NAP1L4: variants seen among roughly 807,000 people sequenced by gnomAD.
NAP1L4 encodes the protein nucleosome assembly protein 1 like 4.
A neutral mutation model predicts 58.2 loss-of-function variants in NAP1L4; 15 were observed. The observed-to-expected ratio is 0.26, with a 90% CI of 0.17 to 0.40. NAP1L4 has a LOEUF of 0.40. Among genes scored for constraint, NAP1L4 ranks in the 10% least tolerant of loss-of-function variants. The pLI is 1.00. For missense variants in NAP1L4, 384 were observed against 451.1 expected (o/e 0.85, Z 1.35); for synonymous variants, 171 against 155.6 (o/e 1.10, Z -0.74).
intron 10 of NAP1L4, among the ~76,000 whole-genome samples, chr11:2,956,133 T>C (rs1236211786): frequency 2.0e-5 from 3 of 152,232 alleles, no homozygotes; most frequent in South Asian, 2.1e-4. Flanking sequence ...ACTTAACTCA[T>C]GTCCCGCAGA....
At position 2,951,444 on chromosome 11, in the gene NAP1L4, C is replaced by A; in HGVS notation, c.1066-129G>T. The A allele has an allele frequency of 1.3e-6, 1 of 780,354 alleles. No individual in the cohort carries two copies. The highest frequency in any genetic ancestry group is 2.2e-6 in the Non-Finnish European group (1 of 451,458). The allele number at this position is 780,354 out of a possible 1,614,324, so 48.3% of individuals were successfully genotyped here. ...CAATTACTGCTACCCACAAGTGACT[C>A]ATCACTTCCTTTGGACACTTAGAAT... On this transcript the variant is annotated intron_variant, in intron 13 of 15. Coordinates refer to ENST00000380542, the MANE Select transcript of NAP1L4 (RefSeq NM_005969.4). This position sits in a 1 kb window ranked among gnomAD's most constrained non-coding sequence, Gnocchi z 4.0.
chr11:2,958,906 C>G (rs548480712), intron 9 of NAP1L4: 42 of 247,996 alleles, frequency 1.7e-4, no homozygotes, highest in Admixed American at 1.1e-3. Context: ...TGCTGCTGTT[C>G]AAAGCAGCCA....
At chr11:2,985,764 G>A (rs1008472530) in intron 1 of NAP1L4, among the ~76,000 whole-genome samples, 9 of 152,284 alleles carry the variant, frequency 5.9e-5, no homozygotes, top group East Asian at 5.8e-4. Context: ...AAAGAATGTT[G>A]TAAGTTTTCT....
intron 1 of NAP1L4, among the ~76,000 whole-genome samples, chr11:2,980,098 G>A (rs943523318): frequency 5.3e-5 from 8 of 152,082 alleles, no homozygotes; most frequent in African/African-American, 1.9e-4. Context: ...TTCTATATTG[G>A]TAGAATTAGA....
At chr11:2,978,213 T>C (rs1848080811) in intron 3 of NAP1L4, 71 bp downstream of exon 3, 7 of 1,439,168 alleles carry the variant, frequency 4.9e-6, no homozygotes, top group Non-Finnish European at 6.8e-6. Context: ...TTTACTTGCA[T>C]TAATAAATGT....
chr11:2,984,962 A>G (rs921255710), intron 1 of NAP1L4, among the ~76,000 whole-genome samples: 8 of 151,582 alleles, frequency 5.3e-5, no homozygotes, highest in Non-Finnish European at 1.0e-4. Context: ...TTCAGATTTT[A>G]GAATATTTGT....
Position 2,949,713 on chromosome 11 carries a change from T to C in NAP1L4, c.1123-449A>G, listed in dbSNP as rs759245772. 2.0e-4 allele frequency among the ~76,000 whole-genome samples: 30 copies of C among 152,242 alleles called. No individual in the cohort carries two copies. The highest frequency in any genetic ancestry group is 3.5e-4 in the Non-Finnish European group (24 of 68,042). Reference sequence around the variant, plus strand: ...TTAGCATGTGTAATCCACCACATCATGTTCTCTGTAATGGCTGGTGAGAAT... The same window carrying C: ...TTAGCATGTGTAATCCACCACATCACGTTCTCTGTAATGGCTGGTGAGAAT... On this transcript the variant is annotated intron_variant, in intron 14 of 15. Transcript: ENST00000380542. The surrounding 1 kb of genome is among the most constrained non-coding windows in gnomAD (Gnocchi z 4.0).
intron 1 of NAP1L4, among the ~76,000 whole-genome samples, chr11:2,987,618 G>A (rs780960767): frequency 6.6e-6 from 1 of 151,176 alleles, no homozygotes; most frequent in Non-Finnish European, 1.5e-5. Context: ...TTACCCAGGC[G>A]TGGTGGTGAG....
At chr11:2,956,873 C>T (rs1846576055) in intron 10 of NAP1L4, among the ~76,000 whole-genome samples, 1 of 152,202 alleles carries the variant, frequency 6.6e-6, no homozygotes, top group Non-Finnish European at 1.5e-5. Flanking sequence ...CCTTCACTAC[C>T]CCATTACCTA....
chr11:2,955,933 G>A lies in NAP1L4; in HGVS notation c.893-167C>T, dbSNP rs1233728371. 3 of 640,924 alleles carry A rather than the reference G, an allele frequency of 4.7e-6. No individual in the cohort carries two copies. Among genetic ancestry groups the A allele is most frequent in the Non-Finnish European group, 8.1e-6 (3 of 371,562 alleles). 39.7% of individuals were successfully genotyped at this position (640,924 alleles called of 1,614,324 possible). On this transcript the variant is annotated intron_variant, in intron 10 of 15. Transcript: ENST00000380542. The surrounding 1 kb of genome is among the most constrained non-coding windows in gnomAD (Gnocchi z 4.2). ...CATCTCCTCACAGACATCTTTGCAA[G>A]CTCCATCCACCACTTCTGAAGCTGG...
rs140026905 is a variant in NAP1L4, at chr11:2,954,072, G to A, written c.1035+455C>T. ...ATCTTGTTGTTTTCTTCGGGAGCAC[G>A]GGTTTCTTTTTTTTCCTTTTTACCT... On this transcript the variant is annotated intron_variant, in intron 12 of 15. Coordinates refer to ENST00000380542, the MANE Select transcript of NAP1L4 (RefSeq NM_005969.4). This position sits in a 1 kb window ranked among gnomAD's most constrained non-coding sequence, Gnocchi z 4.8. 2.1e-4 allele frequency among the ~76,000 whole-genome samples: 32 copies of A among 152,224 alleles called. No individual in the cohort carries two copies. The East Asian group carries it at 4.4e-3, about 21-fold the overall frequency.
intron 3 of NAP1L4, among the ~76,000 whole-genome samples, chr11:2,978,050 T>C (rs1244613741): frequency 6.6e-6 from 1 of 152,168 alleles, no homozygotes; most frequent in Non-Finnish European, 1.5e-5. Context: ...TAAAGCTCAC[T>C]GATGGTAGCT....
intron 8 of NAP1L4, among the ~76,000 whole-genome samples, chr11:2,962,401 C>T (rs983321690): frequency 6.6e-6 from 1 of 152,206 alleles, no homozygotes. Flanking sequence ...GTGTGGCACA[C>T]GTGTGCACTG....
At chr11:2,987,371 T>G (rs1848693414) in intron 1 of NAP1L4, among the ~76,000 whole-genome samples, 1 of 151,582 alleles carries the variant, frequency 6.6e-6, no homozygotes, top group Non-Finnish European at 1.5e-5. Flanking sequence ...CTCAAACTCC[T>G]GACCCTCAGG....
rs1564971515 is a variant in NAP1L4, at chr11:2,949,244, A to AT, written c.*14dup. On this transcript the variant is annotated 3_prime_UTR_variant, in exon 15 of 16. Transcript: ENST00000380542. The surrounding 1 kb of genome is among the most constrained non-coding windows in gnomAD (Gnocchi z 4.0). ...CACCTTACCTAGAAACGTATGAATG[A>AT]TTAACAGACAAAAATTACACCTAAA... The AT allele has an allele frequency of 3.1e-6, 5 of 1,600,660 alleles. No individual in the cohort carries two copies. Among genetic ancestry groups the AT allele is most frequent in the Admixed American group, 3.3e-5 (2 of 59,978 alleles).
intron 12 of NAP1L4, among the ~76,000 whole-genome samples, chr11:2,953,803 A>T (rs191594764): frequency 2.0e-5 from 3 of 152,352 alleles, no homozygotes; most frequent in Non-Finnish European, 4.4e-5. Context: ...CTGAAGCCCC[A>T]ACAGACCAGA....
chr11:2,961,882 C>T (rs548771577), intron 8 of NAP1L4, among the ~76,000 whole-genome samples: 2 of 151,372 alleles, frequency 1.3e-5, no homozygotes, highest in Non-Finnish European at 3.0e-5. Flanking sequence ...TTTTTTCTCT[C>T]CCCTCTGCCT....
chr11:2,959,841 G>A lies in NAP1L4; in HGVS notation c.675C>T (p.Tyr225=). ...YFTNSVLTKT[Y]KMKSEPDKAD... ...CCTTATCTGGTTCTGATTTCATCTT[G>A]TAGGTTTTTGTCAGGACTGAGTTGG... Residue 225 remains tyrosine (Y), a synonymous_variant, in exon 9 of 16, where the codon TAC becomes TAT. Transcript: ENST00000380542. The surrounding 1 kb of genome is among the most constrained non-coding windows in gnomAD (Gnocchi z 4.9). The A allele has an allele frequency of 1.2e-6, 2 of 1,614,180 alleles. No individual in the cohort carries two copies. The highest frequency in any genetic ancestry group is 1.7e-6 in the Non-Finnish European group (2 of 1,180,010).
chr11:2,967,300 C>T (rs1847339759), intron 7 of NAP1L4, among the ~76,000 whole-genome samples: 1 of 152,128 alleles, frequency 6.6e-6, no homozygotes, highest in Non-Finnish European at 1.5e-5. Context: ...AAATGGCAGA[C>T]TTCAAAACCA....
Sources: allele counts gnomAD v4.1 joint callset (sites outside exome capture counted in the v4.1 genomes callset), GRCh38; gene constraint gnomAD v4.1.1; non-coding constraint Gnocchi (gnomAD v3.1); transcripts MANE v1.5; gene names NCBI Gene and HGNC (gene_info 2026-07-23, HGNC 2026-07-21).